SLC25A36: variants seen among roughly 807,000 people sequenced by gnomAD.
SLC25A36 encodes epididymis secretory sperm binding protein.
Under a neutral mutation model 35.3 loss-of-function variants are expected in SLC25A36, and 24 were observed. The ratio of observed to expected loss-of-function variants is 0.68; its 90% confidence interval spans 0.49 to 0.96. The LOEUF is 0.96. Ranked by LOEUF, SLC25A36 falls within the 40% of genes least tolerant of loss-of-function variation. SLC25A36 has a pLI of 0.00. For synonymous variants in SLC25A36, 141 were observed against 132.2 expected (o/e 1.07, Z -0.46); for missense variants, 294 against 381.1 (o/e 0.77, Z 1.90).
chr3:140,967,609 A>G (rs901553239), intron 4 of SLC25A36, among the ~76,000 whole-genome samples: 3 of 151,960 alleles, frequency 2.0e-5, no homozygotes, highest in African/African-American at 7.2e-5. Context: ...TGAAAATGCA[A>G]CACTACAGGT....
chr3:140,948,135 AG>A (rs1456304787), intron 1 of SLC25A36, among the ~76,000 whole-genome samples: 1 of 152,056 alleles, frequency 6.6e-6, no homozygotes, highest in Non-Finnish European at 1.5e-5. Flanking sequence ...TTGTACTTTT[AG>A]TAGAGACAGG....
intron 1 of SLC25A36, among the ~76,000 whole-genome samples, chr3:140,956,028 A>G (rs1286571077): frequency 6.6e-6 from 1 of 152,138 alleles, no homozygotes. Flanking sequence ...ATACTTCTGA[A>G]TATTTGGGGA....
At chr3:140,971,715 C>G (rs1559817048) in intron 5 of SLC25A36, among the ~76,000 whole-genome samples, 1 of 152,168 alleles carries the variant, frequency 6.6e-6, no homozygotes, top group Non-Finnish European at 1.5e-5. Flanking sequence ...CATCTCAACT[C>G]TCCTACTGGC....
chr3:140,956,462 T>A (rs1934480599), intron 1 of SLC25A36, 65 bp from the exon 2 acceptor site: 3 of 1,407,538 alleles, frequency 2.1e-6, no homozygotes, highest in East Asian at 4.9e-5. Context: ...ATTACAGCTC[T>A]GGGCATATAT....
intron 1 of SLC25A36, among the ~76,000 whole-genome samples, chr3:140,948,961 C>A (rs1419531970): frequency 6.6e-6 from 1 of 152,210 alleles, no homozygotes; most frequent in African/African-American, 2.4e-5. Context: ...TCTCTCCCAT[C>A]TCCCCACCCT....
At position 140,961,855 on chromosome 3, in the gene SLC25A36, C is replaced by CAAAAA. The variant is rs553759457; in HGVS notation, c.285-1246_285-1242dup. ...TGGGCAAAAGAGCGAGGCTCCGTCT[C>CAAAAA]AAAAAAAAAAAAAAAAAAAAAAAAA... On this transcript the variant is annotated intron_variant, in intron 3 of 6. Coordinates refer to ENST00000324194, the MANE Select transcript of SLC25A36 (RefSeq NM_001104647.3). Among the ~76,000 whole-genome samples the CAAAAA allele has an allele frequency of 8.9e-4, 32 of 35,832 alleles. 1 individual carries two copies. In the East Asian group the frequency reaches 9.1e-3, roughly 10 times the overall value. 23.5% of individuals were successfully genotyped at this position (35,832 alleles called of 152,430 possible).
At position 140,942,105 on chromosome 3, in the gene SLC25A36, T is replaced by G; in HGVS notation, c.41+10T>G. On this transcript the variant is annotated intron_variant, in intron 1 of 6. Coordinates refer to ENST00000324194, the MANE Select transcript of SLC25A36 (RefSeq NM_001104647.3). ...ATCTGTTTGCCGGAGGGTAAGGTCC[T>G]GGCGGGGCGTGCGCACTGGGGCTGA... 1.5e-6 allele frequency: 2 copies of G among 1,340,322 alleles called. No homozygotes were observed. Among genetic ancestry groups the G allele is most frequent in the Non-Finnish European group, 2.0e-6 (2 of 1,002,702 alleles). 83.0% of individuals were successfully genotyped at this position (1,340,322 alleles called of 1,614,324 possible). A position where few individuals can be genotyped will look rare whatever the true frequency, so the allele number is the denominator to read the frequency against.
In SLC25A36 at chr3:140,980,196, CT is replaced by C. The variant is rs766884725; in HGVS notation, c.*3747del. 9.9e-5 allele frequency among the ~76,000 whole-genome samples: 15 copies of C among 152,238 alleles called. No homozygotes were observed. The highest frequency in any genetic ancestry group is 3.6e-4 in the African/African-American group (15 of 41,536). Reference sequence around the variant, plus strand: ...TGCATATCTTCCACAGGTTTATTGACTTTTATCCAACACTTTTCATGTTTTA... The same window carrying C: ...TGCATATCTTCCACAGGTTTATTGACTTTATCCAACACTTTTCATGTTTTA... On this transcript the variant is annotated 3_prime_UTR_variant, in exon 7 of 7. Transcript: ENST00000324194.
intron 1 of SLC25A36, among the ~76,000 whole-genome samples, chr3:140,951,637 C>G (rs1285912874): frequency 4.6e-5 from 7 of 151,934 alleles, no homozygotes; most frequent in Non-Finnish European, 7.4e-5. Flanking sequence ...GCGTGCACCA[C>G]CACGCCTGGC....
At position 140,980,754 on chromosome 3, in the gene SLC25A36, G is replaced by A. The variant is rs1251108044; in HGVS notation, c.*4301G>A. On this transcript the variant is annotated 3_prime_UTR_variant, in exon 7 of 7. Coordinates refer to ENST00000324194, the MANE Select transcript of SLC25A36 (RefSeq NM_001104647.3). Reference sequence around the variant, plus strand: ...TCACTCTTGTCACCCATGCTGGAGTGCAATGACATGATCTCAGGTCACTGC... The same window carrying A: ...TCACTCTTGTCACCCATGCTGGAGTACAATGACATGATCTCAGGTCACTGC... 1.5e-5 allele frequency among the ~76,000 whole-genome samples: 2 copies of A among 134,430 alleles called. No homozygotes were observed. The highest frequency in any genetic ancestry group is 8.6e-5 in the Admixed American group (1 of 11,672). The allele number at this position is 134,430 out of a possible 152,430, so 88.2% of individuals were successfully genotyped here. A position where few individuals can be genotyped will look rare whatever the true frequency, so the allele number is the denominator to read the frequency against.
intron 3 of SLC25A36, among the ~76,000 whole-genome samples, chr3:140,960,359 G>T (rs79354755): frequency 0.075 from 11,356 of 152,040 alleles, 527 homozygotes; most frequent in East Asian, 0.17. Context: ...ATTTTCCTTG[G>T]GCCAAAAGGC....
Position 140,979,341 on chromosome 3 carries a change from GAT to G in SLC25A36, c.*2889_*2890del, listed in dbSNP as rs1370008746. 6.6e-6 allele frequency: 1 copy of G among 152,090 alleles called. No homozygotes were observed. Among genetic ancestry groups the G allele is most frequent in the Admixed American group, 6.6e-5 (1 of 15,256 alleles). 9.4% of individuals were successfully genotyped at this position (152,090 alleles called of 1,614,324 possible). ...TTAAATCACTAAAAATATTTATTCGGATTTGAAGGATTTAAGTGCTAAAAATC... is the reference window on the plus strand; with the variant it reads ...TTAAATCACTAAAAATATTTATTCGGTTGAAGGATTTAAGTGCTAAAAATC... On this transcript the variant is annotated 3_prime_UTR_variant, in exon 7 of 7. Coordinates refer to ENST00000324194, the MANE Select transcript of SLC25A36 (RefSeq NM_001104647.3).
intron 1 of SLC25A36, among the ~76,000 whole-genome samples, chr3:140,945,213 T>C (rs537979098): frequency 7.9e-5 from 12 of 152,304 alleles, no homozygotes; most frequent in African/African-American, 2.9e-4. Flanking sequence ...TGGTGTCTTA[T>C]AAAGGTACTA....
intron 4 of SLC25A36, among the ~76,000 whole-genome samples, chr3:140,970,006 T>C (rs753036490): frequency 4.6e-5 from 7 of 151,848 alleles, no homozygotes; most frequent in Non-Finnish European, 1.0e-4. Flanking sequence ...TTTGTGTAGA[T>C]GAAGCAATCT....
intron 1 of SLC25A36, among the ~76,000 whole-genome samples, chr3:140,945,005 C>T (rs923322152): frequency 6.6e-5 from 10 of 152,202 alleles, no homozygotes; most frequent in African/African-American, 2.2e-4. Flanking sequence ...TCCTTTTCCT[C>T]TGTCTTGCTC....
At chr3:140,948,058 A>G (rs143250282) in intron 1 of SLC25A36, among the ~76,000 whole-genome samples, 11,374 of 152,184 alleles carry the variant, frequency 0.075, 537 homozygotes, top group East Asian at 0.17. Flanking sequence ...GGTTCAAGCA[A>G]TTCTCTTGCC....
intron 3 of SLC25A36, among the ~76,000 whole-genome samples, chr3:140,959,745 G>A (rs1393853297): frequency 6.6e-6 from 1 of 152,142 alleles, no homozygotes; most frequent in Non-Finnish European, 1.5e-5. Context: ...TTTGGTGGTA[G>A]GAAATGATAC....
chr3:140,977,745 G>A lies in SLC25A36; in HGVS notation c.*1292G>A, dbSNP rs908680340. ...TGCTGTAATTCTGTTAAAAGACTTC[G>A]CCTATGCCATACTGGTGTATAAAAA... On this transcript the variant is annotated 3_prime_UTR_variant, in exon 7 of 7. Coordinates refer to ENST00000324194, the MANE Select transcript of SLC25A36 (RefSeq NM_001104647.3). 1.3e-5 allele frequency: 2 copies of A among 151,932 alleles called. No individual in the cohort carries two copies. Among genetic ancestry groups the A allele is most frequent in the South Asian group, 2.1e-4 (1 of 4,818 alleles). 9.4% of individuals were successfully genotyped at this position (151,932 alleles called of 1,614,324 possible). A position where few individuals can be genotyped will look rare whatever the true frequency, so the allele number is the denominator to read the frequency against.
chr3:140,955,655 T>C (rs1934460453), intron 1 of SLC25A36, among the ~76,000 whole-genome samples: 1 of 152,154 alleles, frequency 6.6e-6, no homozygotes, highest in African/African-American at 2.4e-5. Flanking sequence ...GTTTTCCACG[T>C]GTAGGCCTGA....
Sources: allele counts gnomAD v4.1 joint callset (sites outside exome capture counted in the v4.1 genomes callset), GRCh38; gene constraint gnomAD v4.1.1; transcripts MANE v1.5; gene names NCBI Gene and HGNC (gene_info 2026-07-23, HGNC 2026-07-21).